The following TBC1D5 variants were observed in gnomAD, a reference collection of about 807,000 sequenced individuals.
TBC1D5 encodes TBC1 domain family member 5, also known as TBC1 domain family, member 5.
TBC1D5 carries 75 observed loss-of-function variants against 100.3 expected under a neutral mutation model. The ratio of observed to expected loss-of-function variants is 0.75; its 90% CI spans 0.62 to 0.91. TBC1D5 has a LOEUF of 0.91. TBC1D5 is among the 40% of genes least tolerant of loss of function. The probability of loss-of-function intolerance (pLI) is 0.00; values close to 1 mark genes in which losing one functional copy is unlikely to be tolerated. For missense variants in TBC1D5, 910 were observed against 942.4 expected (o/e 0.97, Z 0.45); for synonymous variants, 323 against 325.6 (o/e 0.99, Z 0.09).
chr3:17,692,841 G>A (rs1001077744), intron 1 of TBC1D5, among the ~76,000 whole-genome samples: 3 of 152,118 alleles, frequency 2.0e-5, no homozygotes, highest in South Asian at 2.1e-4. Flanking sequence ...GGATATAAAC[G>A]AATATAGGCC....
At chr3:17,322,417 T>G (rs2085533404) in intron 13 of TBC1D5, among the ~76,000 whole-genome samples, 1 of 152,236 alleles carries the variant, frequency 6.6e-6, no homozygotes, top group South Asian at 2.1e-4. Context: ...ATATCTCTAC[T>G]GCTCTCATAC....
intron 14 of TBC1D5, among the ~76,000 whole-genome samples, chr3:17,300,060 A>G (rs1254714149): frequency 6.6e-6 from 1 of 152,118 alleles, no homozygotes; most frequent in African/African-American, 2.4e-5. Flanking sequence ...GAAACCCAAA[A>G]TAACAGACAA....
chr3:17,295,414 T>C (rs2082146139), intron 14 of TBC1D5, among the ~76,000 whole-genome samples: 1 of 152,250 alleles, frequency 6.6e-6, no homozygotes, highest in Non-Finnish European at 1.5e-5. Flanking sequence ...TCATCCTTGA[T>C]GAATAGCATT....
chr3:17,300,289 G>A (rs1488719165), intron 14 of TBC1D5, among the ~76,000 whole-genome samples: 3 of 152,290 alleles, frequency 2.0e-5, no homozygotes, highest in African/African-American at 7.2e-5. Flanking sequence ...ATCAATTTGT[G>A]CTTTGATAAA....
At chr3:17,536,596 G>A (rs1434006604) in intron 2 of TBC1D5, among the ~76,000 whole-genome samples, 1 of 152,134 alleles carries the variant, frequency 6.6e-6, no homozygotes, top group Non-Finnish European at 1.5e-5. Context: ...CCAAAATAAG[G>A]GACCATGACC....
chr3:17,629,599 T>G (rs1484631537), intron 1 of TBC1D5, among the ~76,000 whole-genome samples: 2 of 152,196 alleles, frequency 1.3e-5, no homozygotes, highest in Non-Finnish European at 2.9e-5. Context: ...ACTTTGCTAC[T>G]AAACACTGAG....
chr3:17,259,611 C>T lies in TBC1D5; in HGVS notation c.1246-1020G>A, dbSNP rs191494392. Among the ~76,000 whole-genome samples, 404 of 150,132 alleles carry T rather than the reference C, an allele frequency of 2.7e-3. 3 individuals carry two copies. Among genetic ancestry groups the T allele is most frequent in the African/African-American group, 9.2e-3 (374 of 40,712 alleles). On this transcript the variant is annotated intron_variant, in intron 15 of 21. Coordinates refer to ENST00000253692, the Ensembl canonical transcript of TBC1D5. ...TTCCTTTGAGATACATATCTGGACACGGAAAAGCTGCATATTATCTTAATA... is the reference window on the plus strand; with the variant it reads ...TTCCTTTGAGATACATATCTGGACATGGAAAAGCTGCATATTATCTTAATA...
intron 2 of TBC1D5, among the ~76,000 whole-genome samples, chr3:17,576,858 C>T (rs574869603): frequency 4.0e-5 from 6 of 151,780 alleles, no homozygotes; most frequent in Non-Finnish European, 7.4e-5. Flanking sequence ...AAGGGGAACA[C>T]TTAAAAAGAA....
chr3:17,480,223 C>T (rs939664626), intron 3 of TBC1D5, among the ~76,000 whole-genome samples: 6 of 150,370 alleles, frequency 4.0e-5, no homozygotes, highest in Non-Finnish European at 8.9e-5. Context: ...AAGGGTGGCT[C>T]AGCATGTGCC....
intron 8 of TBC1D5, among the ~76,000 whole-genome samples, chr3:17,384,777 G>C (rs1444132929): frequency 6.6e-6 from 1 of 152,034 alleles, no homozygotes; most frequent in South Asian, 2.1e-4. Context: ...TAATCAGAAG[G>C]AAAAGACAAT....
chr3:17,484,588 C>G (rs1033285937), intron 3 of TBC1D5, among the ~76,000 whole-genome samples: 3 of 151,914 alleles, frequency 2.0e-5, no homozygotes, highest in Non-Finnish European at 4.4e-5. Context: ...TCCTCCCACT[C>G]AGGCTCAAGT....
chr3:17,317,060 T>C (rs2084783681), intron 13 of TBC1D5, among the ~76,000 whole-genome samples: 1 of 152,194 alleles, frequency 6.6e-6, no homozygotes. Flanking sequence ...ACAGTTACTC[T>C]GCATTTTTCT....
intron 15 of TBC1D5, among the ~76,000 whole-genome samples, chr3:17,267,871 G>A (rs1451314422): frequency 2.0e-5 from 3 of 151,928 alleles, no homozygotes; most frequent in Non-Finnish European, 4.4e-5. Flanking sequence ...AAAACATCTT[G>A]GAATTAAAAA....
chr3:17,490,095 C>G (rs2095619430), intron 3 of TBC1D5, among the ~76,000 whole-genome samples: 15 of 152,260 alleles, frequency 9.9e-5, no homozygotes, highest in Admixed American at 9.8e-4. Context: ...CTCTAATGAT[C>G]AATGATGTTG....
At chr3:17,262,075 A>G (rs919699960) in intron 15 of TBC1D5, among the ~76,000 whole-genome samples, 4 of 152,202 alleles carry the variant, frequency 2.6e-5, no homozygotes, top group African/African-American at 4.8e-5. Flanking sequence ...TGGCAATTAC[A>G]GTCATGTGTT....
chr3:17,358,189 T>C (rs2091394791), intron 13 of TBC1D5, among the ~76,000 whole-genome samples: 1 of 152,002 alleles, frequency 6.6e-6, no homozygotes, highest in Non-Finnish European at 1.5e-5. Flanking sequence ...TTTGTTTGTT[T>C]TTGTTTTTGT....
At chr3:17,355,817 T>C (rs1276247836) in intron 13 of TBC1D5, among the ~76,000 whole-genome samples, 2 of 151,940 alleles carry the variant, frequency 1.3e-5, no homozygotes, top group Non-Finnish European at 2.9e-5. Flanking sequence ...GAATGAACAA[T>C]GTGAGAAATA....
rs185692008 is a variant in TBC1D5 at position 17,353,087 on chromosome 3, G to C, written c.995+18988C>G. Among the ~76,000 whole-genome samples, 5 of 152,122 alleles carry C rather than the reference G, an allele frequency of 3.3e-5. No homozygotes were observed. The East Asian group carries it at 9.6e-4, about 29-fold the overall frequency. On this transcript the variant is annotated intron_variant, in intron 13 of 21. Transcript: ENST00000253692. ...GAGTATTCAATCACAGTCCAACACAGACATATCATTATTTGGCTCTGGGAA... is the reference window on the plus strand; with the variant it reads ...GAGTATTCAATCACAGTCCAACACACACATATCATTATTTGGCTCTGGGAA...
rs144507554 is a variant in TBC1D5 at position 17,218,938 on chromosome 3, T to C, written c.1589-4568A>G. On this transcript the variant is annotated intron_variant, in intron 17 of 21. Transcript: ENST00000253692. Reference sequence around the variant, plus strand: ...TGGACTTCTTTGAGGTATGTACTAATGCTTTTCATAAAAATTGTGAAATAT... The same window carrying C: ...TGGACTTCTTTGAGGTATGTACTAACGCTTTTCATAAAAATTGTGAAATAT... Among the ~76,000 whole-genome samples the C allele has an allele frequency of 2.9e-4, 44 of 152,056 alleles. 1 individual carries two copies. The East Asian group carries it at 4.3e-3, about 15-fold the overall frequency.
Sources: allele counts gnomAD v4.1 joint callset (sites outside exome capture counted in the v4.1 genomes callset), GRCh38; gene constraint gnomAD v4.1.1; transcripts MANE v1.5; gene names NCBI Gene and HGNC (gene_info 2026-07-23, HGNC 2026-07-21).